TMEM117: variants seen among roughly 807,000 people sequenced by gnomAD.
The protein encoded by TMEM117 is transmembrane protein 117.
In TMEM117, 27 loss-of-function variants were observed where a neutral mutation model predicts 52.4. The ratio of observed to expected loss-of-function variants is 0.51; its 90% CI spans 0.38 to 0.71. The LOEUF is 0.71. TMEM117 is among the 30% of genes least tolerant of loss of function. The pLI, the probability that TMEM117 is intolerant of heterozygous loss-of-function variation, is 0.00. For missense variants in TMEM117, 556 were observed against 630.5 expected, an observed-to-expected ratio of 0.88 and a Z score of 1.26; for synonymous variants, 215 against 206.3, an observed-to-expected ratio of 1.04 and a Z score of -0.36.
Position 44,388,724 on chromosome 12 carries a change from T to A in TMEM117, c.*52T>A. On this transcript the variant is annotated 3_prime_UTR_variant, in exon 8 of 8. Coordinates refer to ENST00000266534, the MANE Select transcript of TMEM117 (RefSeq NM_032256.3). ...CAAAAAGCAACCTTGAGTGTAACTT[T>A]AAAAATTTAGTCTTTCCTTTTGTAT... 1 of 1,571,716 alleles carries A rather than the reference T, an allele frequency of 6.4e-7. No homozygotes were observed.
At chr12:44,291,631 T>C (rs1417727721) in intron 5 of TMEM117, among the ~76,000 whole-genome samples, 1 of 151,854 alleles carries the variant, frequency 6.6e-6, no homozygotes. Flanking sequence ...GGTTGAGAGG[T>C]TGTTATATAT....
chr12:44,114,034 C>G (rs893782055), intron 3 of TMEM117, among the ~76,000 whole-genome samples: 1 of 147,976 alleles, frequency 6.8e-6, no homozygotes, highest in Non-Finnish European at 1.5e-5. Flanking sequence ...CTTGCGCTTC[C>G]CAGGTGAGGC....
At chr12:44,006,743 A>AT (rs202224638) in intron 3 of TMEM117, among the ~76,000 whole-genome samples, 20 of 151,352 alleles carry the variant, frequency 1.3e-4, no homozygotes, top group East Asian at 3.9e-4. Context: ...CTCCACTTTC[A>AT]TTTTTTTTTG....
intron 1 of TMEM117, among the ~76,000 whole-genome samples, chr12:43,839,181 C>CT (rs1943079025): frequency 6.6e-6 from 1 of 152,160 alleles, no homozygotes; most frequent in Non-Finnish European, 1.5e-5. Flanking sequence ...TTGGCAACGG[C>CT]TTCCTCAGTA....
At chr12:44,182,722 G>A (rs956806802) in intron 4 of TMEM117, among the ~76,000 whole-genome samples, 3 of 152,050 alleles carry the variant, frequency 2.0e-5, no homozygotes, top group Non-Finnish European at 4.4e-5. Flanking sequence ...TATATCCCCT[G>A]CCATATCTAG....
chr12:43,912,352 T>G (rs1944520772), intron 2 of TMEM117, among the ~76,000 whole-genome samples: 4 of 147,786 alleles, frequency 2.7e-5, no homozygotes, highest in South Asian at 2.2e-4. Flanking sequence ...TGTTGTGGGG[T>G]GGGGGAAGGG....
At chr12:44,227,610 G>T (rs529110523) in intron 5 of TMEM117, among the ~76,000 whole-genome samples, 1 of 152,200 alleles carries the variant, frequency 6.6e-6, no homozygotes, top group Admixed American at 6.6e-5. Flanking sequence ...TTACTGAAAA[G>T]AAATCTCATA....
At chr12:44,315,022 A>T (rs1951036723) in intron 6 of TMEM117, among the ~76,000 whole-genome samples, 1 of 151,982 alleles carries the variant, frequency 6.6e-6, no homozygotes, top group Admixed American at 6.5e-5. Flanking sequence ...TTTCTTCTAG[A>T]GTTTCTAGTT....
chr12:43,853,818 G>T (rs1466298390), intron 2 of TMEM117, among the ~76,000 whole-genome samples: 1 of 152,200 alleles, frequency 6.6e-6, no homozygotes, highest in Non-Finnish European at 1.5e-5. Context: ...GACAGGGGAA[G>T]AAAGCTTTGT....
chr12:44,163,569 A>G (rs934394437), intron 4 of TMEM117, among the ~76,000 whole-genome samples: 2 of 152,192 alleles, frequency 1.3e-5, no homozygotes, highest in African/African-American at 4.8e-5. Flanking sequence ...TTTGGAAAGC[A>G]CTGTAATAAA....
chr12:43,810,204 G>A, the TMEM117 span, among the ~76,000 whole-genome samples: 1 of 151,612 alleles, frequency 6.6e-6, no homozygotes, highest in Non-Finnish European at 1.5e-5. Context: ...GGTTGGAAAA[G>A]TGCCTTAGCA....
intron 3 of TMEM117, among the ~76,000 whole-genome samples, chr12:44,067,245 G>A (rs1038200679): frequency 6.6e-6 from 1 of 152,112 alleles, no homozygotes; most frequent in Non-Finnish European, 1.5e-5. Flanking sequence ...AAGGGTTGGA[G>A]TCAACTTCTT....
At chr12:43,929,135 G>C (rs926880597) in intron 2 of TMEM117, among the ~76,000 whole-genome samples, 1 of 151,976 alleles carries the variant, frequency 6.6e-6, no homozygotes, top group Admixed American at 6.6e-5. Flanking sequence ...GGGTCAAATG[G>C]TATTTCTAGT....
chr12:43,946,378 G>GTTTTTTTTTTTTTTTT (rs1244597058), intron 3 of TMEM117, among the ~76,000 whole-genome samples: 2 of 113,492 alleles, frequency 1.8e-5, no homozygotes, highest in African/African-American at 3.9e-5. Context: ...ATATAATTCT[G>GTTTTTTTTTTTTTTTT]TTTTTTTTTT....
At chr12:44,286,328 A>C (rs1950638381) in intron 5 of TMEM117, among the ~76,000 whole-genome samples, 1 of 150,726 alleles carries the variant, frequency 6.6e-6, no homozygotes, top group South Asian at 2.1e-4. Flanking sequence ...AATATATATA[A>C]ACATAATAAA....
chr12:44,207,936 A>G (rs2138388320), intron 4 of TMEM117, among the ~76,000 whole-genome samples: 1 of 152,226 alleles, frequency 6.6e-6, no homozygotes, highest in East Asian at 1.9e-4. Flanking sequence ...CTCTTCCTCC[A>G]TTGCTGAAAG....
chr12:44,061,394 A>G (rs891595957), intron 3 of TMEM117, among the ~76,000 whole-genome samples: 8 of 152,144 alleles, frequency 5.3e-5, no homozygotes, highest in African/African-American at 1.9e-4. Flanking sequence ...TTTATATGGA[A>G]GCCAAAAATT....
At chr12:44,228,796 A>C (rs1256748739) in intron 5 of TMEM117, among the ~76,000 whole-genome samples, 1 of 152,160 alleles carries the variant, frequency 6.6e-6, no homozygotes, top group African/African-American at 2.4e-5. Flanking sequence ...AAAAAGGTGG[A>C]GGGTCATTTG....
chr12:44,025,598 G>T (rs1442118296), intron 3 of TMEM117, among the ~76,000 whole-genome samples: 1 of 152,108 alleles, frequency 6.6e-6, no homozygotes, highest in African/African-American at 2.4e-5. Context: ...GGAACATGTA[G>T]TAATGAAATG....
Sources: allele counts gnomAD v4.1 joint callset (sites outside exome capture counted in the v4.1 genomes callset), GRCh38; gene constraint gnomAD v4.1.1; transcripts MANE v1.5; gene names NCBI Gene and HGNC (gene_info 2026-07-23, HGNC 2026-07-21).